Variants in PCNX2 observed in about 807,000 individuals in gnomAD.
The protein encoded by PCNX2 is pecanex-like protein 2.
Under a neutral mutation model 223.8 loss-of-function variants are expected in PCNX2, and 168 were observed. That is an observed-to-expected ratio of 0.75 (90% CI 0.66 to 0.85). The LOEUF is 0.85. Ranked by LOEUF, PCNX2 falls within the 40% of genes least tolerant of loss-of-function variation. The pLI is 0.00. For synonymous variants in PCNX2, 1,006 were observed against 1,052.6 expected, an observed-to-expected ratio of 0.96 and a Z score of 0.86; for missense variants, 2,507 against 2,675.5, an observed-to-expected ratio of 0.94 and a Z score of 1.39.
At chr1:233,179,012 C>T in intron 16 of PCNX2, 54 bp downstream of exon 16, 3 of 1,515,010 alleles carry the variant, frequency 2.0e-6, no homozygotes, top group Non-Finnish European at 2.7e-6. Context: ...CACAAAGCTG[C>T]AGGAACTATG....
intron 23 of PCNX2, among the ~76,000 whole-genome samples, chr1:233,068,927 A>C (rs1672732818): frequency 6.6e-6 from 1 of 152,184 alleles, no homozygotes; most frequent in African/African-American, 2.4e-5. Flanking sequence ...TACGCTGCCT[A>C]CAAGAAATTC....
chr1:233,149,584 T>G (rs1385747115), intron 19 of PCNX2, among the ~76,000 whole-genome samples: 1 of 152,194 alleles, frequency 6.6e-6, no homozygotes, highest in Non-Finnish European at 1.5e-5. Context: ...CAATTGCTTT[T>G]TTCTGTAAGC....
At chr1:233,102,369 G>A (rs57632567) in intron 21 of PCNX2, among the ~76,000 whole-genome samples, 2,519 of 152,184 alleles carry the variant, frequency 0.017, 58 homozygotes, top group African/African-American at 0.058. Flanking sequence ...TTAATATGGC[G>A]ATTTCTTTTC....
chr1:233,095,973 A>G (rs757546511), intron 21 of PCNX2, 110 bp from the exon 22 acceptor site: 3 of 704,408 alleles, frequency 4.3e-6, no homozygotes, highest in Non-Finnish European at 4.9e-6. Flanking sequence ...CAGTGAAACT[A>G]CTCTCTGCCC....
chr1:233,173,633 A>G (rs1453826882), intron 17 of PCNX2, among the ~76,000 whole-genome samples: 2 of 152,238 alleles, frequency 1.3e-5, no homozygotes, highest in South Asian at 4.1e-4. Context: ...GAAACCTACA[A>G]ATTCATTAGA....
chr1:233,199,655 G>C (rs1008025200), intron 14 of PCNX2, among the ~76,000 whole-genome samples: 2 of 152,076 alleles, frequency 1.3e-5, no homozygotes, highest in Non-Finnish European at 2.9e-5. Context: ...TCTAAAGTAT[G>C]ACATTAAAAG....
intron 12 of PCNX2, among the ~76,000 whole-genome samples, chr1:233,213,880 G>C (rs1681970883): frequency 7.8e-6 from 1 of 127,618 alleles, no homozygotes; most frequent in Non-Finnish European, 1.6e-5. Flanking sequence ...CAGGGCTGGA[G>C]TGTAGTGGCG....
At chr1:233,176,829 C>T (rs552250031) in intron 17 of PCNX2, among the ~76,000 whole-genome samples, 61 of 152,174 alleles carry the variant, frequency 4.0e-4, no homozygotes, top group African/African-American at 1.4e-3. Flanking sequence ...CTGGTTAACA[C>T]GGTGAAACCC....
At chr1:233,002,927 G>T (rs1465150296) in intron 28 of PCNX2, among the ~76,000 whole-genome samples, 2 of 152,290 alleles carry the variant, frequency 1.3e-5, no homozygotes, top group South Asian at 2.1e-4. Context: ...TTTAATAAAT[G>T]GTATTGGGAA....
the PCNX2 span, among the ~76,000 whole-genome samples, chr1:233,301,266 C>G: frequency 6.6e-6 from 1 of 152,150 alleles, no homozygotes; most frequent in Non-Finnish European, 1.5e-5. Context: ...AATTGATATT[C>G]TTCAAGAGAT....
At chr1:233,232,818 TC>T in intron 9 of PCNX2, 1 of 985,324 alleles carries the variant, frequency 1.0e-6, no homozygotes, top group Non-Finnish European at 1.2e-6. Flanking sequence ...TCTCACCAAT[TC>T]TCATCAGTTT....
At chr1:233,181,976 G>A (rs1014516812) in intron 15 of PCNX2, among the ~76,000 whole-genome samples, 5 of 152,178 alleles carry the variant, frequency 3.3e-5, no homozygotes, top group Non-Finnish European at 7.4e-5. Context: ...TCAGCCTTTC[G>A]AAGGTCTGAG....
At chr1:233,015,148 G>A (rs996841587) in intron 27 of PCNX2, among the ~76,000 whole-genome samples, 3 of 152,210 alleles carry the variant, frequency 2.0e-5, no homozygotes, top group Non-Finnish European at 4.4e-5. Flanking sequence ...CTAGCAGGGA[G>A]AGAAAAAGAA....
At chr1:233,322,901 G>A in the PCNX2 span, among the ~76,000 whole-genome samples, 1 of 151,986 alleles carries the variant, frequency 6.6e-6, no homozygotes, top group Non-Finnish European at 1.5e-5. Flanking sequence ...TGAGTTCCTG[G>A]TTCTCTCCCG....
intron 12 of PCNX2, among the ~76,000 whole-genome samples, chr1:233,216,673 A>G (rs543463892): frequency 1.3e-5 from 2 of 152,188 alleles, no homozygotes; most frequent in Non-Finnish European, 2.9e-5. Flanking sequence ...TTTTAATTCT[A>G]TTTGAATATG....
In PCNX2 at chr1:233,295,596, C is replaced by T; in HGVS notation, c.-118G>A. The T allele has an allele frequency of 9.1e-7, 1 of 1,101,374 alleles. No individual in the cohort carries two copies. The highest frequency in any genetic ancestry group is 1.2e-6 in the Non-Finnish European group (1 of 858,050). The allele number at this position is 1,101,374 out of a possible 1,614,324, so 68.2% of individuals were successfully genotyped here. A position where few individuals can be genotyped will look rare whatever the true frequency, so the allele number is the denominator to read the frequency against. On this transcript the variant is annotated 5_prime_UTR_variant, in exon 1 of 34. Transcript: ENST00000258229. The surrounding 1 kb of genome is among the most constrained non-coding windows in gnomAD (Gnocchi z 4.1). The stretch of plus-strand genomic sequence containing the variant: ...GCGGGCCGCGCCCCCGCCGTCGCCG[C>T]CGCCGTCGCCCCCGCCGCCTCCTTC...
intron 21 of PCNX2, chr1:233,112,932 A>G: frequency 7.8e-7 from 1 of 1,289,340 alleles, no homozygotes; most frequent in South Asian, 1.2e-5. Flanking sequence ...GGTTTGAGTT[A>G]AGGGAAATCA....
chr1:233,259,718 T>C (rs1351331036), intron 4 of PCNX2, among the ~76,000 whole-genome samples: 1 of 152,168 alleles, frequency 6.6e-6, no homozygotes, highest in Non-Finnish European at 1.5e-5. Flanking sequence ...GTGAGTTTAG[T>C]TTTCTGTTCC....
chr1:233,249,290 T>C (rs555361729), intron 8 of PCNX2, among the ~76,000 whole-genome samples: 1 of 152,316 alleles, frequency 6.6e-6, no homozygotes, highest in African/African-American at 2.4e-5. Context: ...TAACTTTACT[T>C]TGGGATAAAA....
Sources: gnomAD v4.1 joint callset for allele counts (sites outside exome capture counted in the v4.1 genomes callset) on GRCh38, gnomAD v4.1.1 for gene constraint, Gnocchi (gnomAD v3.1) non-coding constraint, MANE v1.5 for transcripts, NCBI Gene and HGNC (gene_info 2026-07-23, HGNC 2026-07-21) for gene names.